Variants in SORCS2 observed in about 807,000 individuals in gnomAD.
The protein encoded by SORCS2 is VPS10 domain-containing receptor SorCS2.
In SORCS2, 100 loss-of-function variants were observed where a neutral mutation model predicts 141.6. That is an observed-to-expected ratio of 0.71 (90% CI 0.60 to 0.83). SORCS2 has a LOEUF of 0.83. Ranked by LOEUF, SORCS2 falls within the 40% of genes least tolerant of loss-of-function variation. The pLI, the probability that SORCS2 is intolerant of heterozygous loss-of-function variation, is 0.00. For missense variants in SORCS2, 1,646 were observed against 1,560.2 expected (o/e 1.05, Z -0.93); for synonymous variants, 789 against 676.9 (o/e 1.17, Z -2.57).
intron 5 of SORCS2, among the ~76,000 whole-genome samples, chr4:7,655,381 A>G (rs967644363): frequency 1.3e-5 from 2 of 152,200 alleles, no homozygotes; most frequent in African/African-American, 4.8e-5. Context: ...AGCCCGGGCT[A>G]TCAGCCCTAC....
At chr4:7,676,837 C>CTCTCTCTCTCTCT (rs1723174458) in intron 9 of SORCS2, among the ~76,000 whole-genome samples, 5 of 134,116 alleles carry the variant, frequency 3.7e-5, no homozygotes, top group Admixed American at 7.6e-5. Flanking sequence ...CTCCCTCTCT[C>CTCTCTCTCTCTCT]CACCCCAGCC....
At chr4:7,322,671 C>T (rs893810746) in intron 1 of SORCS2, among the ~76,000 whole-genome samples, 20 of 152,350 alleles carry the variant, frequency 1.3e-4, no homozygotes, top group African/African-American at 4.6e-4. Flanking sequence ...GAGTCTCAGC[C>T]CCTAAGCCGT....
At chr4:7,630,740 G>A (rs1049381112) in intron 3 of SORCS2, among the ~76,000 whole-genome samples, 1 of 152,196 alleles carries the variant, frequency 6.6e-6, no homozygotes, top group African/African-American at 2.4e-5. Context: ...TTTCAGATCC[G>A]GGGGTGGAGG....
At chr4:7,714,401 C>G in intron 16 of SORCS2, 28 bp downstream of exon 16, 1 of 1,543,918 alleles carries the variant, frequency 6.5e-7, no homozygotes, top group Non-Finnish European at 8.7e-7. Flanking sequence ...GGCCACGAGG[C>G]CTCAGGCGCT....
intron 1 of SORCS2, among the ~76,000 whole-genome samples, chr4:7,336,983 G>T (rs1720027896): frequency 6.6e-6 from 1 of 152,148 alleles, no homozygotes. Flanking sequence ...GCGGTGGTGA[G>T]GATTGATTGA....
chr4:7,689,008 T>A (rs913963257), intron 10 of SORCS2, among the ~76,000 whole-genome samples: 2 of 152,092 alleles, frequency 1.3e-5, no homozygotes, highest in Admixed American at 1.3e-4. Flanking sequence ...AGGCTCCCAA[T>A]AAAGGTTCTG....
chr4:7,529,681 G>C (rs565297804), intron 2 of SORCS2, among the ~76,000 whole-genome samples: 3 of 152,318 alleles, frequency 2.0e-5, no homozygotes, highest in East Asian at 3.9e-4. Context: ...TGTCAGGCTC[G>C]TAAACACAAC....
At chr4:7,197,989 A>G (rs1727266465) in intron 1 of SORCS2, among the ~76,000 whole-genome samples, 1 of 152,228 alleles carries the variant, frequency 6.6e-6, no homozygotes, top group African/African-American at 2.4e-5. Context: ...CTCAGATCAG[A>G]GCCTGGCCCA....
At chr4:7,595,655 T>C (rs138071305) in intron 3 of SORCS2, among the ~76,000 whole-genome samples, 2 of 151,272 alleles carry the variant, frequency 1.3e-5, no homozygotes, top group African/African-American at 4.9e-5. Context: ...AGAGACCAAA[T>C]ATCTATTTCT....
At chr4:7,585,361 A>C (rs1716468664) in intron 3 of SORCS2, among the ~76,000 whole-genome samples, 1 of 152,086 alleles carries the variant, frequency 6.6e-6, no homozygotes. Flanking sequence ...GCGGTGTAGG[A>C]GTGGAATGTG....
At chr4:7,484,843 C>T (rs55728260) in intron 2 of SORCS2, among the ~76,000 whole-genome samples, 40,656 of 151,962 alleles carry the variant, frequency 0.27, 6,666 homozygotes, top group Middle Eastern at 0.4. Flanking sequence ...GCCTCCTCCA[C>T]GCAGCCCACC....
chr4:7,726,969 C>T, intron 21 of SORCS2, 66 bp downstream of exon 21: 2 of 1,544,596 alleles, frequency 1.3e-6, no homozygotes, highest in Admixed American at 3.8e-5. Context: ...GAAGCCAGGC[C>T]ACATGGGTCG....
At chr4:7,419,481 T>C (rs1725902635) in intron 2 of SORCS2, among the ~76,000 whole-genome samples, 1 of 152,202 alleles carries the variant, frequency 6.6e-6, no homozygotes, top group East Asian at 1.9e-4. Flanking sequence ...TTGTATTGAA[T>C]GGACCACATG....
chr4:7,437,386 A>G (rs1727380335), intron 2 of SORCS2, among the ~76,000 whole-genome samples: 1 of 152,044 alleles, frequency 6.6e-6, no homozygotes, highest in African/African-American at 2.4e-5. Context: ...TGGGTGTGCC[A>G]CCCTCCTCAC....
At chr4:7,709,653 C>G (rs1725695882) in intron 14 of SORCS2, among the ~76,000 whole-genome samples, 1 of 152,204 alleles carries the variant, frequency 6.6e-6, no homozygotes, top group Non-Finnish European at 1.5e-5. Flanking sequence ...GGGAGCTGCC[C>G]TGCCGGAGAG....
chr4:7,711,810 T>C (rs116269923), intron 14 of SORCS2, among the ~76,000 whole-genome samples: 1 of 152,214 alleles, frequency 6.6e-6, no homozygotes, highest in Non-Finnish European at 1.5e-5. Flanking sequence ...TACCAGGCTG[T>C]GCATGCATAG....
chr4:7,664,445 G>A lies in SORCS2; in HGVS notation c.1045G>A (p.Val349Met), dbSNP rs377584831. The change falls in exon 7 of 27, where the codon GTG (valine) becomes ATG (methionine). Residue 349 changes from valine to methionine, a missense_variant. By Grantham distance (21) the Val-to-Met change is conservative. Coordinates refer to ENST00000507866, the MANE Select transcript of SORCS2 (RefSeq NM_020777.3). The surrounding 1 kb of genome is among the most constrained non-coding windows in gnomAD (Gnocchi z 4.7). ...CCCCATTGACCACGGGTCTCTGACCGTGCAGGACGATTACATCTTCTTTAA... is the reference window on the plus strand; with the variant it reads ...CCCCATTGACCACGGGTCTCTGACCATGCAGGACGATTACATCTTCTTTAA... ...AGPIDHGSLT[V>M]QDDYIFFKAT... 46 of 1,613,556 alleles carry A rather than the reference G, an allele frequency of 2.9e-5. No homozygotes were observed. Among genetic ancestry groups the A allele is most frequent in the African/African-American group, 1.2e-4 (9 of 75,054 alleles).
At chr4:7,410,910 A>T (rs1725257639) in intron 2 of SORCS2, among the ~76,000 whole-genome samples, 1 of 143,330 alleles carries the variant, frequency 7.0e-6, no homozygotes, top group African/African-American at 2.6e-5. Context: ...ACTTCTCAGC[A>T]TTCCTAGCCC....
rs1252633586 is a variant in SORCS2 at position 7,354,916 on chromosome 4, T to C, written c.481-41372T>C. Among the ~76,000 whole-genome samples the C allele has an allele frequency of 3.9e-5, 6 of 152,220 alleles. No individual in the cohort carries two copies. The East Asian group carries it at 1.2e-3, about 29-fold the overall frequency. Reference sequence around the variant, plus strand: ...CCATGGTGATATTTAGCACTTCTTATATTTCATAGAATATTAGGTGGCTTT... The same window carrying C: ...CCATGGTGATATTTAGCACTTCTTACATTTCATAGAATATTAGGTGGCTTT... On this transcript the variant is annotated intron_variant, in intron 1 of 26. Coordinates refer to ENST00000507866, the MANE Select transcript of SORCS2 (RefSeq NM_020777.3).
Sources: gnomAD v4.1 joint callset for allele counts (sites outside exome capture counted in the v4.1 genomes callset) on GRCh38, gnomAD v4.1.1 for gene constraint, Gnocchi (gnomAD v3.1) non-coding constraint, MANE v1.5 for transcripts, NCBI Gene and HGNC (gene_info 2026-07-23, HGNC 2026-07-21) for gene names.